Variants in THRB observed in about 807,000 individuals in gnomAD.
THRB encodes nuclear receptor subfamily 1 group A member 2.
THRB carries 12 observed loss-of-function variants against 47.8 expected under a neutral mutation model. The ratio of observed to expected loss-of-function variants is 0.25; its 90% CI spans 0.16 to 0.41. THRB has a LOEUF of 0.41. Among genes scored for constraint, THRB ranks in the 10% least tolerant of loss-of-function variants. THRB has a pLI of 1.00. For missense variants in THRB, 348 were observed against 589.2 expected (o/e 0.59, Z 4.24); for synonymous variants, 218 against 212.2 (o/e 1.03, Z -0.24).
chr3:24,298,970 G>A (rs760653065), intron 2 of THRB, among the ~76,000 whole-genome samples: 2 of 151,910 alleles, frequency 1.3e-5, no homozygotes, highest in African/African-American at 2.4e-5. Flanking sequence ...AATTCAGGCC[G>A]GGCGCGGTGG....
chr3:24,487,335 G>GACACACAAGCACACACAC (rs1697453931), intron 1 of THRB, among the ~76,000 whole-genome samples: 1 of 149,072 alleles, frequency 6.7e-6, no homozygotes, highest in Non-Finnish European at 1.5e-5. Context: ...TAAGGTTTTA[G>GACACACAAGCACACACAC]ACACACAAGC....
chr3:24,249,929 ACT>A (rs2050493883), intron 3 of THRB, among the ~76,000 whole-genome samples: 1 of 152,122 alleles, frequency 6.6e-6, no homozygotes. Context: ...GAAGAATTAA[ACT>A]CTTAGAGTGA....
chr3:24,201,571 T>C (rs1559582615), intron 4 of THRB, among the ~76,000 whole-genome samples: 1 of 152,188 alleles, frequency 6.6e-6, no homozygotes, highest in African/African-American at 2.4e-5. Context: ...TAGACAGAAT[T>C]TGTTAAACAT....
rs57275069 is a variant in THRB at position 24,254,199 on chromosome 3, T to TA, written c.-42-25199dup. Reference sequence around the variant, plus strand: ...TAACACAGTGAAACCCTGTCTCTACTAAAAAAAAAAAAAAAAAAAAAAAAA... The same window carrying TA: ...TAACACAGTGAAACCCTGTCTCTACTAAAAAAAAAAAAAAAAAAAAAAAAAA... On this transcript the variant is annotated intron_variant, in intron 3 of 10. Transcript: ENST00000646209. Among the ~76,000 whole-genome samples the TA allele has an allele frequency of 7.2e-4, 25 of 34,618 alleles. 1 individual carries two copies. Among genetic ancestry groups the TA allele is most frequent in the Non-Finnish European group, 1.0e-3 (19 of 19,006 alleles). 22.7% of individuals were successfully genotyped at this position (34,618 alleles called of 152,430 possible). A position where few individuals can be genotyped will look rare whatever the true frequency, so the allele number is the denominator to read the frequency against.
chr3:24,158,149 C>T (rs2038157232), intron 5 of THRB, among the ~76,000 whole-genome samples: 1 of 152,102 alleles, frequency 6.6e-6, no homozygotes. Context: ...ATACAGAATT[C>T]TTGCTTCATG....
chr3:24,340,517 T>C (rs2062567137), intron 1 of THRB, among the ~76,000 whole-genome samples: 1 of 152,094 alleles, frequency 6.6e-6, no homozygotes. Flanking sequence ...TTATTCATTC[T>C]TTTAAAGTTT....
Position 24,188,233 on chromosome 3 carries a change from T to C in THRB, c.283+1841A>G, listed in dbSNP as rs561344716. On this transcript the variant is annotated intron_variant, in intron 5 of 10. Coordinates refer to ENST00000646209, the MANE Select transcript of THRB (RefSeq NM_001354712.2). ...AGTATTTATATGACTTAATAATGCATACCTAATAATAAGGATCACAATAAT... is the reference window on the plus strand; with the variant it reads ...AGTATTTATATGACTTAATAATGCACACCTAATAATAAGGATCACAATAAT... Among the ~76,000 whole-genome samples the C allele has an allele frequency of 1.3e-3, 193 of 152,322 alleles. 5 individuals are homozygous for C. The South Asian group carries it at 0.038, about 30-fold the overall frequency.
At chr3:24,246,343 G>A (rs1002671273) in intron 3 of THRB, among the ~76,000 whole-genome samples, 3 of 152,164 alleles carry the variant, frequency 2.0e-5, no homozygotes, top group African/African-American at 7.2e-5. Context: ...AAGAAAGAAG[G>A]CAGTGGAACA....
At chr3:24,216,701 T>C (rs1309975106) in intron 4 of THRB, among the ~76,000 whole-genome samples, 2 of 152,238 alleles carry the variant, frequency 1.3e-5, no homozygotes, top group Non-Finnish European at 2.9e-5. Context: ...GTCATGTTTA[T>C]ATGTTTAGTA....
intron 1 of THRB, among the ~76,000 whole-genome samples, chr3:24,438,328 A>C (rs530917797): frequency 2.0e-5 from 3 of 152,222 alleles, no homozygotes; most frequent in South Asian, 2.1e-4. Context: ...TAGAGAGAAG[A>C]ATAAAGAAGC....
chr3:24,132,560 A>T (rs1323770758), intron 9 of THRB, among the ~76,000 whole-genome samples: 1 of 152,246 alleles, frequency 6.6e-6, no homozygotes, highest in East Asian at 1.9e-4. Context: ...GTTTGAAGAC[A>T]TTGGGTAACT....
At chr3:24,394,154 T>G (rs1387349943) in intron 1 of THRB, among the ~76,000 whole-genome samples, 1 of 152,138 alleles carries the variant, frequency 6.6e-6, no homozygotes, top group African/African-American at 2.4e-5. Flanking sequence ...TCTATAAAAT[T>G]CTGTGCCTAT....
intron 4 of THRB, among the ~76,000 whole-genome samples, chr3:24,224,985 A>G (rs1239508440): frequency 6.6e-6 from 1 of 152,212 alleles, no homozygotes; most frequent in East Asian, 1.9e-4. Context: ...TTTATCCAAA[A>G]TAGAGCTCAT....
chr3:24,291,673 A>G (rs1193725126), intron 3 of THRB, among the ~76,000 whole-genome samples: 2 of 152,190 alleles, frequency 1.3e-5, no homozygotes, highest in African/African-American at 2.4e-5. Context: ...TTTTTTCCAA[A>G]TATTTTCAAT....
At chr3:24,179,903 G>T (rs910636968) in intron 5 of THRB, among the ~76,000 whole-genome samples, 2 of 152,012 alleles carry the variant, frequency 1.3e-5, no homozygotes, top group South Asian at 4.1e-4. Flanking sequence ...TAGAATGATC[G>T]CTTCAAAGGA....
intron 3 of THRB, among the ~76,000 whole-genome samples, chr3:24,281,623 A>G (rs528222232): frequency 4.3e-4 from 39 of 91,334 alleles, no homozygotes; most frequent in Non-Finnish European, 8.1e-4. Context: ...TGCTCCAATT[A>G]AAAGACACAG....
chr3:24,485,590 C>A (rs952180508), intron 1 of THRB, among the ~76,000 whole-genome samples: 2 of 152,176 alleles, frequency 1.3e-5, no homozygotes, highest in South Asian at 2.1e-4. Context: ...GCTATCAAGA[C>A]AAAGTCAATC....
chr3:24,315,390 G>A (rs1165831906), intron 2 of THRB, among the ~76,000 whole-genome samples: 1 of 152,216 alleles, frequency 6.6e-6, no homozygotes, highest in Non-Finnish European at 1.5e-5. Flanking sequence ...GCCACGTCCT[G>A]CACTTACGTG....
chr3:24,492,202 G>A (rs527856942), intron 1 of THRB, among the ~76,000 whole-genome samples: 3 of 152,324 alleles, frequency 2.0e-5, no homozygotes, highest in East Asian at 1.9e-4. Flanking sequence ...TGTGTGCCAA[G>A]TATTGTTCTA....
Sources: allele counts gnomAD v4.1 joint callset (sites outside exome capture counted in the v4.1 genomes callset), GRCh38; gene constraint gnomAD v4.1.1; transcripts MANE v1.5; gene names NCBI Gene and HGNC (gene_info 2026-07-23, HGNC 2026-07-21).